The following CNKSR2 variants were observed in gnomAD, a reference collection of about 807,000 sequenced individuals.
CNKSR2 encodes the protein connector enhancer of kinase suppressor of Ras 2.
CNKSR2 carries 14 observed loss-of-function variants against 84.4 expected under a neutral mutation model. That is an observed-to-expected ratio of 0.17 (90% CI 0.11 to 0.26). The LOEUF is 0.26. CNKSR2 is among the 10% of genes least tolerant of loss of function. The probability of loss-of-function intolerance (pLI) is 1.00; values close to 1 mark genes in which losing one functional copy is unlikely to be tolerated. For missense variants in CNKSR2, 485 were observed against 771.2 expected, an observed-to-expected ratio of 0.63 and a Z score of 4.40; for synonymous variants, 275 against 277.9, an observed-to-expected ratio of 0.99 and a Z score of 0.10.
chrX:21,533,773 C>T (rs1406179245), intron 11 of CNKSR2, among the ~76,000 whole-genome samples: 4 of 111,103 alleles, frequency 3.6e-5, no homozygotes, highest in Non-Finnish European at 7.6e-5. Context: ...TTATTTGTTT[C>T]ATTCAGTATG....
intron 11 of CNKSR2, among the ~76,000 whole-genome samples, chrX:21,536,050 T>C (rs1165096544): frequency 9.0e-6 from 1 of 111,220 alleles, no homozygotes; most frequent in Non-Finnish European, 1.9e-5. Flanking sequence ...CTTTCTAATT[T>C]GTTGAGAGTT....
intron 4 of CNKSR2, among the ~76,000 whole-genome samples, chrX:21,468,077 A>T (rs1316588598): frequency 2.7e-5 from 3 of 110,937 alleles, no homozygotes; most frequent in Non-Finnish European, 5.7e-5. Context: ...AAAGTTAAAA[A>T]TACTTAAAAC....
intron 4 of CNKSR2, among the ~76,000 whole-genome samples, chrX:21,442,983 A>C (rs2090804816): frequency 9.1e-6 from 1 of 110,138 alleles, no homozygotes; most frequent in African/African-American, 3.3e-5. Flanking sequence ...AACAACAGGT[A>C]CTGGGGCCTA....
At chrX:21,435,748 C>T (rs2090695018) in intron 3 of CNKSR2, among the ~76,000 whole-genome samples, 1 of 111,752 alleles carries the variant, frequency 8.9e-6, no homozygotes, top group Non-Finnish European at 1.9e-5. Flanking sequence ...ACAAGTGTTA[C>T]GTTGTACAGT....
intron 13 of CNKSR2, among the ~76,000 whole-genome samples, chrX:21,563,681 A>G (rs766888356): frequency 1.8e-5 from 2 of 111,895 alleles, no homozygotes; most frequent in Non-Finnish European, 3.8e-5. Flanking sequence ...GGATAACTTA[A>G]TATGCACAAA....
intron 9 of CNKSR2, among the ~76,000 whole-genome samples, chrX:21,522,688 A>ATTT: frequency 9.0e-6 from 1 of 110,689 alleles, no homozygotes; most frequent in Non-Finnish European, 1.9e-5. Context: ...GCGCACAAAG[A>ATTT]AAAGACCTCA....
At chrX:21,457,185 T>C (rs976008850) in intron 4 of CNKSR2, among the ~76,000 whole-genome samples, 1 of 111,848 alleles carries the variant, frequency 8.9e-6, no homozygotes, top group African/African-American at 3.2e-5. Context: ...TTCATTTTGT[T>C]GATTCTTTCT....
intron 13 of CNKSR2, among the ~76,000 whole-genome samples, chrX:21,576,401 C>T (rs373535951): frequency 1.8e-5 from 2 of 110,615 alleles, no homozygotes; most frequent in African/African-American, 6.6e-5. Flanking sequence ...AATTTATAGC[C>T]CTAAATGCTT....
chrX:21,555,516 ATT>A (rs1045168203), intron 11 of CNKSR2, among the ~76,000 whole-genome samples: 7 of 111,395 alleles, frequency 6.3e-5, no homozygotes, highest in Non-Finnish European at 1.3e-4. Context: ...TAAATGTGTG[ATT>A]CTCTACCTTA....
At chrX:21,489,175 C>T (rs1323460521) in intron 5 of CNKSR2, among the ~76,000 whole-genome samples, 1 of 111,433 alleles carries the variant, frequency 9.0e-6, no homozygotes, top group African/African-American at 3.3e-5. Flanking sequence ...TGATTGATGT[C>T]TCATGTCTCT....
intron 11 of CNKSR2, among the ~76,000 whole-genome samples, chrX:21,534,948 T>C (rs2091914573): frequency 9.0e-6 from 1 of 110,854 alleles, no homozygotes. Flanking sequence ...CATAAAAATA[T>C]TTGCCTAGAC....
chrX:21,488,063 C>T (rs947085459), intron 5 of CNKSR2, among the ~76,000 whole-genome samples: 2 of 112,036 alleles, frequency 1.8e-5, no homozygotes, highest in Non-Finnish European at 3.8e-5. Flanking sequence ...TAAATACCTT[C>T]ATTGTATCTA....
chrX:21,565,165 C>A (rs2072492213), intron 13 of CNKSR2, among the ~76,000 whole-genome samples: 2 of 111,235 alleles, frequency 1.8e-5, no homozygotes, highest in South Asian at 7.5e-4. Context: ...TCAGAGTGTA[C>A]AAATTATTAA....
chrX:21,567,066 T>C (rs2092245334), intron 13 of CNKSR2, among the ~76,000 whole-genome samples: 1 of 111,739 alleles, frequency 8.9e-6, no homozygotes, highest in South Asian at 3.8e-4. Flanking sequence ...CTGCTGAGAA[T>C]GCTTTTATCT....
chrX:21,557,027 C>A (rs1338220080), intron 11 of CNKSR2, among the ~76,000 whole-genome samples: 1 of 109,647 alleles, frequency 9.1e-6, no homozygotes, highest in African/African-American at 3.3e-5. Context: ...AATTTCAGAT[C>A]TCCCTAATGT....
At chrX:21,384,523 C>T (rs1463703108) in intron 1 of CNKSR2, among the ~76,000 whole-genome samples, 4 of 111,628 alleles carry the variant, frequency 3.6e-5, no homozygotes, top group African/African-American at 1.3e-4. Context: ...TGGTAAAAAC[C>T]TGTTAATTGA....
chrX:21,506,194 GC>G (rs2091610511), intron 8 of CNKSR2: 2 of 111,392 alleles, frequency 1.8e-5, no homozygotes, highest in Non-Finnish European at 3.8e-5. Flanking sequence ...TTAACATATT[GC>G]TTAATAAATA....
chrX:21,626,569 G>A (rs906528898), intron 20 of CNKSR2, among the ~76,000 whole-genome samples: 3 of 111,818 alleles, frequency 2.7e-5, no homozygotes, highest in South Asian at 7.5e-4. Context: ...CAAATGTGGA[G>A]GCAAAATGTT....
chrX:21,490,386 T>G, intron 5 of CNKSR2, 73 bp from the exon 6 acceptor site: 1 of 1,009,753 alleles, frequency 9.9e-7, no homozygotes, highest in Non-Finnish European at 1.3e-6. Flanking sequence ...ATGAAAACGT[T>G]ATTACAAAAG....
Sources: gnomAD v4.1 joint callset for allele counts (sites outside exome capture counted in the v4.1 genomes callset) on GRCh38, gnomAD v4.1.1 for gene constraint, MANE v1.5 for transcripts, NCBI Gene and HGNC (gene_info 2026-07-23, HGNC 2026-07-21) for gene names.